Variants in ZCCHC2 observed in about 807,000 individuals in gnomAD.
ZCCHC2 encodes the protein zinc finger CCHC-type containing 2.
A neutral mutation model predicts 103.6 loss-of-function variants in ZCCHC2; 39 were observed. The ratio of observed to expected loss-of-function variants is 0.38; its 90% CI spans 0.29 to 0.49. The LOEUF (loss-of-function observed/expected upper bound fraction) is 0.49, where lower values mean the gene tolerates loss of function less well. ZCCHC2 is among the 20% of genes least tolerant of loss of function. ZCCHC2 has a pLI of 0.96. For missense variants in ZCCHC2, 1,483 were observed against 1,491.0 expected, an observed-to-expected ratio of 0.99 and a Z score of 0.09; for synonymous variants, 687 against 608.9, an observed-to-expected ratio of 1.13 and a Z score of -1.89.
Position 62,523,931 on chromosome 18 carries a change from G to A in ZCCHC2, c.507G>A (p.Val169=), listed in dbSNP as rs1363933571. Residue 169 remains valine, a synonymous_variant, in exon 1 of 14, where the codon GTG becomes GTA. Transcript: ENST00000269499. The part of the protein sequence containing the change: ...GPLADFREPA[V]RSRLIVYLAL... ...TGGCCGACTTCCGAGAGCCCGCGGT[G>A]CGCTCGCGCCTCATCGTCTACCTGG... The A allele has an allele frequency of 6.5e-7, 1 of 1,529,764 alleles. No individual in the cohort carries two copies. The highest frequency in any genetic ancestry group is 8.8e-7 in the Non-Finnish European group (1 of 1,141,990). 94.8% of individuals were successfully genotyped at this position (1,529,764 alleles called of 1,614,324 possible).
At chr18:62,585,525 T>C (rs980061960) in exon 15 of ZCCHC2, 1 of 152,256 alleles carries the variant, frequency 6.6e-6, no homozygotes, top group African/African-American at 2.4e-5. Flanking sequence ...TGAGTGCTTA[T>C]TCCTGCTAGC....
At chr18:62,567,182 C>CT (rs1916405997) in intron 11 of ZCCHC2, among the ~76,000 whole-genome samples, 1 of 152,196 alleles carries the variant, frequency 6.6e-6, no homozygotes, top group Admixed American at 6.5e-5. Context: ...AAAAACCCCT[C>CT]TGTGTATTAA....
chr18:62,568,410 G>A (rs746329958), intron 11 of ZCCHC2, among the ~76,000 whole-genome samples: 1 of 152,026 alleles, frequency 6.6e-6, no homozygotes. Context: ...GATTATAAAA[G>A]TTCTTAAGGT....
chr18:62,526,874 C>T (rs540892668), intron 1 of ZCCHC2: 10 of 152,106 alleles, frequency 6.6e-5, no homozygotes, highest in African/African-American at 1.9e-4. Context: ...CCCTTTTGGC[C>T]TCTTCCCGCG....
chr18:62,538,452 A>G (rs1915028144), intron 1 of ZCCHC2, among the ~76,000 whole-genome samples: 1 of 152,122 alleles, frequency 6.6e-6, no homozygotes, highest in Non-Finnish European at 1.5e-5. Context: ...AATAAAATAT[A>G]TGGTCTGGGT....
At chr18:62,562,490 C>CT (rs1374415406) in intron 8 of ZCCHC2, among the ~76,000 whole-genome samples, 3 of 151,550 alleles carry the variant, frequency 2.0e-5, no homozygotes, top group East Asian at 3.9e-4. Context: ...CTATAATTTA[C>CT]TTTTTTTTTC....
chr18:62,545,598 AAT>A (rs1342116465), intron 4 of ZCCHC2, among the ~76,000 whole-genome samples: 1 of 152,234 alleles, frequency 6.6e-6, no homozygotes, highest in Non-Finnish European at 1.5e-5. Context: ...TCGAAAAGTG[AAT>A]AGTTAGAAAT....
At position 62,538,246 on chromosome 18, in the gene ZCCHC2, G is replaced by A. The variant is rs1412357686; in HGVS notation, c.940-1435G>A. 4.4e-5 allele frequency among the ~76,000 whole-genome samples: 5 copies of A among 114,288 alleles called. No individual in the cohort carries two copies. The East Asian group carries it at 1.0e-3, about 23-fold the overall frequency. 75.0% of individuals were successfully genotyped at this position (114,288 alleles called of 152,430 possible). On this transcript the variant is annotated intron_variant, in intron 1 of 13. Transcript: ENST00000269499. ...GGTGTACTTCAGTCTGGGCAACAGAGAGAGACCCTGTCTCAAAAAAAAAAA... is the reference window on the plus strand; with the variant it reads ...GGTGTACTTCAGTCTGGGCAACAGAAAGAGACCCTGTCTCAAAAAAAAAAA...
exon 15 of ZCCHC2, chr18:62,585,242 G>A (rs529799978): frequency 3.9e-5 from 6 of 152,344 alleles, no homozygotes; most frequent in South Asian, 4.1e-4. Flanking sequence ...CCACTCGCAC[G>A]CTGAGTTGTG....
intron 11 of ZCCHC2, among the ~76,000 whole-genome samples, chr18:62,568,802 T>C (rs1451156160): frequency 6.6e-6 from 1 of 152,222 alleles, no homozygotes; most frequent in Non-Finnish European, 1.5e-5. Context: ...GAAATATTTA[T>C]ATGCAAGACT....
chr18:62,529,579 T>C (rs2145485781), intron 1 of ZCCHC2, among the ~76,000 whole-genome samples: 1 of 152,320 alleles, frequency 6.6e-6, no homozygotes, highest in East Asian at 1.9e-4. Context: ...ATAAAAGCCA[T>C]TTGGAAGAGA....
intron 1 of ZCCHC2, among the ~76,000 whole-genome samples, chr18:62,528,387 G>A (rs2145484380): frequency 6.6e-6 from 1 of 152,272 alleles, no homozygotes; most frequent in African/African-American, 2.4e-5. Flanking sequence ...GAGGTCAGGA[G>A]TTCGAGACCA....
At position 62,574,464 on chromosome 18, in the gene ZCCHC2, A is replaced by C; in HGVS notation, c.2383A>C (p.Ile795Leu). The change falls in exon 13 of 14, where the codon ATT (isoleucine) becomes CTT (leucine). Residue 795 changes from isoleucine (I) to leucine (L), a missense_variant. Coordinates refer to ENST00000269499, the MANE Select transcript of ZCCHC2 (RefSeq NM_017742.6). ...HLELLASPLP[I>L]PSTFLPHSST... ...TGAGTTACTGGCTTCCCCTTTACCT[A>C]TTCCATCAACCTTCCTTCCACACAG... is the stretch of plus-strand genomic sequence containing the variant. 1 of 1,613,896 alleles carries C rather than the reference A, an allele frequency of 6.2e-7. No individual in the cohort carries two copies. Among genetic ancestry groups the C allele is most frequent in the Non-Finnish European group, 8.5e-7 (1 of 1,179,874 alleles).
In ZCCHC2 at chr18:62,570,171, C is replaced by G; in HGVS notation, c.1915C>G (p.Pro639Ala). ...GETSSESYSSPSSPRHDGRES... is the reference protein window; with the variant it reads ...GETSSESYSSASSPRHDGRES... ...AACATCTTCAGAGAGTTACAGTTCT[C>G]CATCTAGTCCCCGACATGATGGAAG... The change falls in exon 12 of 14, where the codon CCA becomes GCA. Residue 639 changes from proline (P) to alanine (A), a missense_variant. Physicochemically the swap from Pro to Ala is conservative, Grantham distance 27. Around this residue, in one of 3 missense-constraint regions of ZCCHC2, gnomAD observed 884 missense variants for 907.5 expected, o/e 0.97. Transcript: ENST00000269499. 1.2e-6 allele frequency: 2 copies of G among 1,612,234 alleles called. No homozygotes were observed. The highest frequency in any genetic ancestry group is 1.7e-6 in the Non-Finnish European group (2 of 1,179,100).
At chr18:62,571,844 G>A (rs1044217507) in intron 12 of ZCCHC2, among the ~76,000 whole-genome samples, 8 of 149,616 alleles carry the variant, frequency 5.3e-5, no homozygotes, top group African/African-American at 1.8e-4. Context: ...GTGGTATCAC[G>A]CTATGTCTTA....
chr18:62,532,750 C>G (rs1289908860), intron 1 of ZCCHC2, among the ~76,000 whole-genome samples: 1 of 152,176 alleles, frequency 6.6e-6, no homozygotes, highest in East Asian at 1.9e-4. Context: ...AAATTGACCT[C>G]TCAGGCCAGG....
intron 5 of ZCCHC2, chr18:62,552,611 G>A (rs1452547723): frequency 6.6e-6 from 1 of 152,138 alleles, no homozygotes; most frequent in East Asian, 1.9e-4. Context: ...CAATTAAAAA[G>A]TAAGTGGCTG....
Position 62,523,526 on chromosome 18 carries a change from T to C in ZCCHC2, c.102T>C (p.Pro34=). Residue 34 remains proline (P), a synonymous_variant, in exon 1 of 14, where the codon CCT becomes CCC. Transcript: ENST00000269499. ...ACGCGCGGCCGGGCGCGAAGGCGCC[T>C]TCGCGCCGCCGCCGCGACTGCCGCC... ...EADARPGAKA[P]SRRRRDCRPP... The C allele has an allele frequency of 2.4e-6, 2 of 850,062 alleles. No individual in the cohort carries two copies. Among genetic ancestry groups the C allele is most frequent in the Non-Finnish European group, 2.8e-6 (2 of 720,860 alleles). 52.7% of individuals were successfully genotyped at this position (850,062 alleles called of 1,614,324 possible). A position where few individuals can be genotyped will look rare whatever the true frequency, so the allele number is the denominator to read the frequency against.
chr18:62,555,549 C>A (rs1371123487), intron 5 of ZCCHC2, among the ~76,000 whole-genome samples: 1 of 152,218 alleles, frequency 6.6e-6, no homozygotes, highest in African/African-American at 2.4e-5. Context: ...TGGCTCACGC[C>A]TGTAATCCCA....
Sources: allele counts gnomAD v4.1 joint callset (sites outside exome capture counted in the v4.1 genomes callset), GRCh38; gene constraint gnomAD v4.1.1; regional missense constraint gnomAD v4.1.1; transcripts MANE v1.5; gene names NCBI Gene and HGNC (gene_info 2026-07-23, HGNC 2026-07-21).